SCAF11: variants seen among roughly 807,000 people sequenced by gnomAD.
SCAF11 encodes the protein protein SCAF11.
In SCAF11, 47 loss-of-function variants were observed where a neutral mutation model predicts 140.5. The ratio of observed to expected loss-of-function variants is 0.33; its 90% CI spans 0.26 to 0.43. The LOEUF is 0.43. Ranked by LOEUF, SCAF11 falls within the 20% of genes least tolerant of loss-of-function variation. The probability of loss-of-function intolerance (pLI) is 1.00; values close to 1 mark genes in which losing one functional copy is unlikely to be tolerated. For missense variants in SCAF11, 1,645 were observed against 1,705.1 expected (o/e 0.96, Z 0.62); for synonymous variants, 557 against 579.4 (o/e 0.96, Z 0.55).
chr12:45,990,520 A>G lies in SCAF11; in HGVS notation c.-189T>C. 8 of 1,231,738 alleles carry G rather than the reference A, an allele frequency of 6.5e-6. No individual in the cohort carries two copies. Among genetic ancestry groups the G allele is most frequent in the Non-Finnish European group, 8.1e-6 (8 of 988,132 alleles). The allele number at this position is 1,231,738 out of a possible 1,614,324, so 76.3% of individuals were successfully genotyped here. A position where few individuals can be genotyped will look rare whatever the true frequency, so the allele number is the denominator to read the frequency against. Reference sequence around the variant, plus strand: ...CTGGCTCGGTCCGGAGGCGGCGGCGAAGCAGGGAGCGACCCAGGTTGCGCT... The same window carrying G: ...CTGGCTCGGTCCGGAGGCGGCGGCGGAGCAGGGAGCGACCCAGGTTGCGCT... On this transcript the variant is annotated 5_prime_UTR_variant, in exon 1 of 15. Coordinates refer to ENST00000369367, the MANE Select transcript of SCAF11 (RefSeq NM_004719.3).
chr12:45,942,010 T>G (rs1475513633), intron 6 of SCAF11, among the ~76,000 whole-genome samples: 2 of 152,246 alleles, frequency 1.3e-5, no homozygotes, highest in African/African-American at 4.8e-5. Flanking sequence ...TTCTGCTCAA[T>G]GAACAGTAAA....
chr12:45,947,307 G>GC (rs2136565158), intron 5 of SCAF11, among the ~76,000 whole-genome samples: 1 of 152,176 alleles, frequency 6.6e-6, no homozygotes, highest in African/African-American at 2.4e-5. Flanking sequence ...CCTCAAAAAT[G>GC]TGTTAAACAC....
chr12:45,982,744 C>A (rs1041658492), intron 1 of SCAF11, among the ~76,000 whole-genome samples: 11 of 152,130 alleles, frequency 7.2e-5, no homozygotes, highest in Admixed American at 2.0e-4. Context: ...TAGACTGTTT[C>A]ATTGATCCCA....
intron 3 of SCAF11, chr12:45,960,811 A>C (rs1427495804): frequency 6.6e-6 from 1 of 152,246 alleles, no homozygotes; most frequent in Non-Finnish European, 1.5e-5. Flanking sequence ...CAATTATGTA[A>C]TATGCAATTA....
In SCAF11 at chr12:45,922,921, C is replaced by T; in HGVS notation, c.4125+15G>A. The T allele has an allele frequency of 6.2e-7, 1 of 1,611,430 alleles. No homozygotes were observed. Among genetic ancestry groups the T allele is most frequent in the Non-Finnish European group, 8.5e-7 (1 of 1,177,522 alleles). ...TATACAGAATTATGAAGGTTGCTCT[C>T]AACCTTGAACTTGCCTTGTCTGTCT... On this transcript the variant is annotated intron_variant, in intron 13 of 14. Transcript: ENST00000369367.
rs1944915812 is a variant in SCAF11, at chr12:45,927,589, C to A, written c.2112G>T (p.Gln704His). 1 of 1,612,844 alleles carries A rather than the reference C, an allele frequency of 6.2e-7. No homozygotes were observed. Among genetic ancestry groups the A allele is most frequent in the Non-Finnish European group, 8.5e-7 (1 of 1,179,968 alleles). The change falls in exon 11 of 15, where the codon CAG (glutamine) becomes CAT (histidine). Residue 704 changes from glutamine to histidine, a missense_variant. By Grantham distance (24) the Gln-to-His change is conservative. Around this residue, in one of 2 missense-constraint regions of SCAF11, gnomAD observed 1,582 missense variants for 1,609.2 expected, o/e 0.98. Coordinates refer to ENST00000369367, the MANE Select transcript of SCAF11 (RefSeq NM_004719.3). ...TGTCCTCACTAAAATGCTTCTGAAT[C>A]TGTTCAATGTGTGTTTTAGGCAACT... ...STELPKTHIE[Q>H]IQKHFSEDNN...
chr12:45,928,870 TTAA>T lies in SCAF11; in HGVS notation c.842-14_842-12del. ...CCTTGCAAGAAGTACCTAATAATATTTAAAAAAAAAAAAAAAGTAAAAAATATG... is the reference window on the plus strand; with the variant it reads ...CCTTGCAAGAAGTACCTAATAATATTAAAAAAAAAAAAAGTAAAAAATATG... On this transcript the variant is annotated splice_polypyrimidine_tract_variant and intron_variant, in intron 10 of 14. Transcript: ENST00000369367. The T allele has an allele frequency of 7.4e-7, 1 of 1,345,304 alleles. No homozygotes were observed. The highest frequency in any genetic ancestry group is 1.9e-5 in the South Asian group (1 of 52,270). The allele number at this position is 1,345,304 out of a possible 1,614,324, so 83.3% of individuals were successfully genotyped here.
chr12:45,963,128 G>T (rs1019248928), intron 2 of SCAF11, among the ~76,000 whole-genome samples: 2 of 152,308 alleles, frequency 1.3e-5, no homozygotes, highest in Non-Finnish European at 2.9e-5. Context: ...TGTGAAACAG[G>T]TTAAGAAATG....
At chr12:45,922,267 G>A (rs879351365) in intron 14 of SCAF11, 73 bp from the exon 15 acceptor site, 17 of 1,506,778 alleles carry the variant, frequency 1.1e-5, no homozygotes, top group Non-Finnish European at 8.9e-6. Context: ...AAAGCTTTGT[G>A]AAAAACAACC....
intron 1 of SCAF11, among the ~76,000 whole-genome samples, chr12:45,966,241 T>C (rs578027752): frequency 6.6e-6 from 1 of 152,152 alleles, no homozygotes; most frequent in Admixed American, 6.5e-5. Context: ...TTAAGAACAT[T>C]AGCAATTATC....
chr12:45,927,163 G>T lies in SCAF11; in HGVS notation c.2538C>A (p.Ser846=). ...KNESARGRKK[S]RSQSPKKDIA... Reference sequence around the variant, plus strand: ...TATCCTTTTTTGGGGACTGAGAACGGGATTTTTTCCGGCCTCTGGCTGACT... The same window carrying T: ...TATCCTTTTTTGGGGACTGAGAACGTGATTTTTTCCGGCCTCTGGCTGACT... Residue 846 remains serine (S), a synonymous_variant, in exon 11 of 15, where the codon TCC becomes TCA. Transcript: ENST00000369367. The T allele has an allele frequency of 6.2e-7, 1 of 1,613,946 alleles. No homozygotes were observed. The highest frequency in any genetic ancestry group is 8.5e-7 in the Non-Finnish European group (1 of 1,179,978).
chr12:45,932,818 T>C (rs538528575), intron 9 of SCAF11, among the ~76,000 whole-genome samples: 4 of 152,232 alleles, frequency 2.6e-5, no homozygotes, highest in African/African-American at 9.6e-5. Context: ...AAGACTGGAA[T>C]GGGAGAAGAG....
intron 12 of SCAF11, among the ~76,000 whole-genome samples, chr12:45,924,422 AC>A (rs2136496279): frequency 1.3e-5 from 2 of 152,286 alleles, no homozygotes; most frequent in South Asian, 4.1e-4. Flanking sequence ...TAAAGCACCC[AC>A]CACTCGATTC....
Position 45,924,710 on chromosome 12 carries a change from G to C in SCAF11, c.3906+18C>G, listed in dbSNP as rs765846333. The C allele has an allele frequency of 1.5e-5, 24 of 1,568,072 alleles. No individual in the cohort carries two copies. Among genetic ancestry groups the C allele is most frequent in the Non-Finnish European group, 2.1e-5 (24 of 1,146,858 alleles). On this transcript the variant is annotated intron_variant, in intron 12 of 14. Coordinates refer to ENST00000369367, the MANE Select transcript of SCAF11 (RefSeq NM_004719.3). Reference sequence around the variant, plus strand: ...TACAATGGCTATATTGATTAAACTTGAGTTGCTAAAAACATACCTGCAATT... The same window carrying C: ...TACAATGGCTATATTGATTAAACTTCAGTTGCTAAAAACATACCTGCAATT...
chr12:45,943,013 T>G (rs1292925384), intron 6 of SCAF11, among the ~76,000 whole-genome samples: 1 of 152,222 alleles, frequency 6.6e-6, no homozygotes, highest in Non-Finnish European at 1.5e-5. Flanking sequence ...CATCTAATAC[T>G]GAGTACGTAT....
intron 6 of SCAF11, among the ~76,000 whole-genome samples, chr12:45,942,528 A>G (rs1945327688): frequency 6.6e-6 from 1 of 152,086 alleles, no homozygotes; most frequent in Non-Finnish European, 1.5e-5. Context: ...ATCTCCCCTT[A>G]TGTCTTACTC....
At chr12:45,966,921 A>G (rs1385974871) in intron 1 of SCAF11, among the ~76,000 whole-genome samples, 1 of 152,204 alleles carries the variant, frequency 6.6e-6, no homozygotes, top group African/African-American at 2.4e-5. Context: ...ACTCAATGTG[A>G]TAAAATGTCA....
At position 45,920,383 on chromosome 12, in the gene SCAF11, T is replaced by C. The variant is rs1944679040; in HGVS notation, c.*1665A>G. 6.6e-6 allele frequency: 1 copy of C among 152,216 alleles called. No homozygotes were observed. The highest frequency in any genetic ancestry group is 6.5e-5 in the Admixed American group (1 of 15,282). The allele number at this position is 152,216 out of a possible 1,614,324, so 9.4% of individuals were successfully genotyped here. A position where few individuals can be genotyped will look rare whatever the true frequency, so the allele number is the denominator to read the frequency against. On this transcript the variant is annotated 3_prime_UTR_variant, in exon 15 of 15. Coordinates refer to ENST00000369367, the MANE Select transcript of SCAF11 (RefSeq NM_004719.3). ...TATTGCTCTGGCTAAATAGTTTAGC[T>C]AGTAAAAAGGTCAGTTTATCTCACT...
chr12:45,931,576 G>A lies in SCAF11; in HGVS notation c.771C>T (p.Val257=), dbSNP rs765524102. Residue 257 remains valine, a synonymous_variant, in exon 10 of 15, where the codon GTC becomes GTT. Coordinates refer to ENST00000369367, the MANE Select transcript of SCAF11 (RefSeq NM_004719.3). ...GFIPWNVETE[V]LPLISSVLPR... is the part of the protein sequence containing the mutation. Reference sequence around the variant, plus strand: ...GCAACACAGAAGAAATGAGAGGAAGGACTTCTGTTTCAACATTCCAGGGTA... The same window carrying A: ...GCAACACAGAAGAAATGAGAGGAAGAACTTCTGTTTCAACATTCCAGGGTA... The A allele has an allele frequency of 1.4e-5, 21 of 1,531,236 alleles. No homozygotes were observed. Among genetic ancestry groups the A allele is most frequent in the Non-Finnish European group, 1.8e-5 (21 of 1,146,320 alleles). The allele number at this position is 1,531,236 out of a possible 1,614,324, so 94.9% of individuals were successfully genotyped here.
Sources: gnomAD v4.1 joint callset for allele counts (sites outside exome capture counted in the v4.1 genomes callset) on GRCh38, gnomAD v4.1.1 for gene constraint, gnomAD v4.1.1 regional missense constraint, MANE v1.5 for transcripts, NCBI Gene and HGNC (gene_info 2026-07-23, HGNC 2026-07-21) for gene names.